CNTNAP2: variants seen among roughly 807,000 people sequenced by gnomAD.
CNTNAP2 encodes contactin associated protein 2, also known as contactin-associated protein-like 2.
CNTNAP2 carries 98 observed loss-of-function variants against 155.2 expected under a neutral mutation model. The ratio of observed to expected loss-of-function variants is 0.63; its 90% confidence interval spans 0.54 to 0.75. CNTNAP2 has a LOEUF of 0.75. Ranked by LOEUF, CNTNAP2 falls within the 30% of genes least tolerant of loss-of-function variation. The pLI, the probability that CNTNAP2 is intolerant of heterozygous loss-of-function variation, is 0.00. For synonymous variants in CNTNAP2, 651 were observed against 631.2 expected (o/e 1.03, Z -0.47); for missense variants, 1,727 against 1,688.1 (o/e 1.02, Z -0.40).
chr7:147,105,110 GAT>G (rs1800739114), intron 4 of CNTNAP2, among the ~76,000 whole-genome samples: 2 of 151,000 alleles, frequency 1.3e-5, no homozygotes, highest in African/African-American at 4.9e-5. Flanking sequence ...ATATAGCAAA[GAT>G]ATCTTTTAAA....
At chr7:147,739,452 G>A (rs1796919144) in intron 13 of CNTNAP2, among the ~76,000 whole-genome samples, 1 of 151,954 alleles carries the variant, frequency 6.6e-6, no homozygotes, top group Admixed American at 6.6e-5. Context: ...TTGACATGTT[G>A]AATAAAAACA....
chr7:147,798,051 C>A (rs1166425434), intron 13 of CNTNAP2, among the ~76,000 whole-genome samples: 1 of 152,088 alleles, frequency 6.6e-6, no homozygotes, highest in African/African-American at 2.4e-5. Flanking sequence ...GAAAATTAAA[C>A]TAAAAATGCG....
intron 3 of CNTNAP2, among the ~76,000 whole-genome samples, chr7:146,911,383 A>G (rs913596343): frequency 2.0e-5 from 3 of 152,080 alleles, no homozygotes; most frequent in Non-Finnish European, 2.9e-5. Context: ...ATTATTCACA[A>G]CAGCAAAGAC....
intron 15 of CNTNAP2, among the ~76,000 whole-genome samples, chr7:148,076,374 A>G (rs904685759): frequency 2.7e-5 from 4 of 150,496 alleles, no homozygotes; most frequent in African/African-American, 7.3e-5. Context: ...AATGTCAAGA[A>G]TGCCAAAATG....
intron 1 of CNTNAP2, among the ~76,000 whole-genome samples, chr7:146,711,819 A>ATATATAGTATACACATCTTATGTATACAT (rs5888220): frequency 1.1e-5 from 1 of 94,004 alleles, no homozygotes; most frequent in African/African-American, 8.7e-5. Flanking sequence ...TTATGTATAC[A>ATATATAGTATACACATCTTATGTATACAT]ATATAGTATA....
intron 3 of CNTNAP2, among the ~76,000 whole-genome samples, chr7:146,974,436 C>CT (rs1797865967): frequency 7.3e-6 from 1 of 136,452 alleles, no homozygotes; most frequent in Non-Finnish European, 1.7e-5. Flanking sequence ...AAAACTCCGT[C>CT]TTAAAAAAAA....
At chr7:147,764,887 G>T (rs547970186) in intron 13 of CNTNAP2, among the ~76,000 whole-genome samples, 3 of 152,166 alleles carry the variant, frequency 2.0e-5, no homozygotes, top group South Asian at 2.1e-4. Flanking sequence ...CTAAGGTTTT[G>T]GTTGTTCAAA....
intron 4 of CNTNAP2, among the ~76,000 whole-genome samples, chr7:147,095,598 A>G (rs1024044772): frequency 6.6e-6 from 1 of 151,716 alleles, no homozygotes; most frequent in African/African-American, 2.4e-5. Flanking sequence ...ATGTTGTTTC[A>G]TTGTCTTTCA....
intron 12 of CNTNAP2, among the ~76,000 whole-genome samples, chr7:147,582,408 G>C (rs190352682): frequency 6.9e-4 from 105 of 152,088 alleles, no homozygotes; most frequent in African/African-American, 2.5e-3. Flanking sequence ...CCAAACTCTG[G>C]GCATTTCAAA....
chr7:148,331,581 A>ATGGACAGATGGAGTGGATGGATAGAG (rs1491438526), intron 21 of CNTNAP2, among the ~76,000 whole-genome samples: 10 of 5,746 alleles, frequency 1.7e-3, no homozygotes, highest in African/African-American at 5.5e-3. Context: ...GATGGATGGA[A>ATGGACAGATGGAGTGGATGGATAGAG]TGGATGGATG....
intron 1 of CNTNAP2, among the ~76,000 whole-genome samples, chr7:146,770,815 T>C (rs1802281813): frequency 6.6e-6 from 1 of 152,186 alleles, no homozygotes; most frequent in Admixed American, 6.5e-5. Flanking sequence ...ATTCTAAATT[T>C]AAATTAGCTA....
intron 8 of CNTNAP2, chr7:147,167,583 T>C: frequency 1.3e-6 from 1 of 780,570 alleles, no homozygotes; most frequent in Admixed American, 2.2e-5. Flanking sequence ...CCTGTGAGAA[T>C]GAAGCTGGAG....
chr7:147,187,986 G>A (rs10258637), intron 8 of CNTNAP2, among the ~76,000 whole-genome samples: 7,224 of 152,070 alleles, frequency 0.048, 343 homozygotes, highest in African/African-American at 0.12. Flanking sequence ...ATTTAAGCCC[G>A]GGAGGTGTAG....
At chr7:148,135,778 G>C (rs1470211018) in intron 16 of CNTNAP2, among the ~76,000 whole-genome samples, 2 of 147,638 alleles carry the variant, frequency 1.4e-5, no homozygotes, top group Non-Finnish European at 3.0e-5. Context: ...GAACCTGGGA[G>C]GGGGAGGTTG....
At chr7:147,296,908 C>T (rs1410328925) in intron 8 of CNTNAP2, among the ~76,000 whole-genome samples, 5 of 152,096 alleles carry the variant, frequency 3.3e-5, no homozygotes, top group Non-Finnish European at 7.4e-5. Context: ...GTTCCTCTTT[C>T]TACATCATTG....
intron 13 of CNTNAP2, among the ~76,000 whole-genome samples, chr7:147,689,646 T>C (rs1036485393): frequency 2.6e-5 from 4 of 152,172 alleles, no homozygotes; most frequent in Non-Finnish European, 1.5e-5. Context: ...CATTTCATTG[T>C]GCACTATGGA....
intron 10 of CNTNAP2, among the ~76,000 whole-genome samples, chr7:147,399,371 G>A (rs772372465): frequency 6.6e-6 from 1 of 152,144 alleles, no homozygotes; most frequent in Non-Finnish European, 1.5e-5. Flanking sequence ...TTATAATCCA[G>A]GTGAGAGACG....
chr7:146,263,340 C>T (rs1421765445), intron 1 of CNTNAP2, among the ~76,000 whole-genome samples: 1 of 151,338 alleles, frequency 6.6e-6, no homozygotes, highest in Admixed American at 6.6e-5. Flanking sequence ...TAAAATGATT[C>T]TTCGCTCTCT....
At chr7:146,210,286 T>G (rs1435518312) in intron 1 of CNTNAP2, among the ~76,000 whole-genome samples, 2 of 152,162 alleles carry the variant, frequency 1.3e-5, no homozygotes, top group African/African-American at 4.8e-5. Flanking sequence ...GTCTTCCTAT[T>G]AAGACTGTGT....
Sources: allele counts gnomAD v4.1 joint callset (sites outside exome capture counted in the v4.1 genomes callset), GRCh38; gene constraint gnomAD v4.1.1; transcripts MANE v1.5; gene names NCBI Gene and HGNC (gene_info 2026-07-23, HGNC 2026-07-21).